SLC2A9: variants seen among roughly 807,000 people sequenced by gnomAD.
SLC2A9 encodes solute carrier family 2, facilitated glucose transporter member 9.
SLC2A9 carries 39 observed loss-of-function variants against 50.6 expected under a neutral mutation model. That is an observed-to-expected ratio of 0.77 (90% CI 0.60 to 1.01). The LOEUF (loss-of-function observed/expected upper bound fraction) is 1.01. SLC2A9 is among the 50% of genes least tolerant of loss of function. The pLI is 0.00. For synonymous variants in SLC2A9, 324 were observed against 276.9 expected, an observed-to-expected ratio of 1.17 and a Z score of -1.69; for missense variants, 686 against 677.6, an observed-to-expected ratio of 1.01 and a Z score of -0.14.
At chr4:9,838,503 G>C (rs918071257) in intron 10 of SLC2A9, among the ~76,000 whole-genome samples, 2 of 152,044 alleles carry the variant, frequency 1.3e-5, no homozygotes, top group Non-Finnish European at 2.9e-5. Context: ...ATAAAAAACC[G>C]TTTTAAAATT....
intron 11 of SLC2A9, among the ~76,000 whole-genome samples, chr4:9,828,256 C>T (rs1186118253): frequency 3.3e-5 from 5 of 152,194 alleles, no homozygotes; most frequent in Non-Finnish European, 1.5e-5. Flanking sequence ...GAGGGTTTGT[C>T]ATCACTTCTA....
intron 3 of SLC2A9, among the ~76,000 whole-genome samples, chr4:9,789,818 C>T (rs1719675334): frequency 6.6e-6 from 1 of 152,170 alleles, no homozygotes; most frequent in Admixed American, 6.5e-5. Context: ...TAATACAATG[C>T]CAGTTCCAGG....
At chr4:9,813,100 C>G (rs1490293451) in intron 3 of SLC2A9, among the ~76,000 whole-genome samples, 1 of 152,126 alleles carries the variant, frequency 6.6e-6, no homozygotes, top group African/African-American at 2.4e-5. Context: ...CCCAGAGCCT[C>G]AGCACTTATT....
intron 1 of SLC2A9, among the ~76,000 whole-genome samples, chr4:9,774,358 C>G (rs145608721): frequency 6.6e-6 from 1 of 152,178 alleles, no homozygotes; most frequent in African/African-American, 2.4e-5. Flanking sequence ...AAAAATGTAT[C>G]CTTTCACACG....
At chr4:10,022,402 G>A (rs1763567446), upstream of SLC2A9, among the ~76,000 whole-genome samples, 1 of 152,264 alleles carries the variant, frequency 6.6e-6, no homozygotes, top group South Asian at 2.1e-4. Flanking sequence ...TGCTCATTCA[G>A]CACTGGCTGA....
chr4:10,029,312 C>T (rs1220943668), intron 1 of SLC2A9: 2 of 152,216 alleles, frequency 1.3e-5, no homozygotes, highest in Non-Finnish European at 2.9e-5. Flanking sequence ...AAGCACCAAT[C>T]TGCCCTATCC....
intron 5 of SLC2A9, among the ~76,000 whole-genome samples, chr4:9,943,845 C>T (rs542155945): frequency 3.3e-5 from 5 of 152,086 alleles, no homozygotes; most frequent in Non-Finnish European, 5.9e-5. Context: ...AAGCTCCTAC[C>T]ACGTGCCGGA....
At chr4:9,806,423 C>T (rs1454432376) in intron 3 of SLC2A9, among the ~76,000 whole-genome samples, 1 of 152,234 alleles carries the variant, frequency 6.6e-6, no homozygotes, top group East Asian at 1.9e-4. Flanking sequence ...AATCTACAAC[C>T]TATAGAAATA....
intron 3 of SLC2A9, among the ~76,000 whole-genome samples, chr4:9,789,495 T>C (rs1350677193): frequency 2.6e-5 from 4 of 152,152 alleles, no homozygotes; most frequent in Non-Finnish European, 4.4e-5. Flanking sequence ...ATGCAGTAGA[T>C]GGATAGAGTG....
downstream of SLC2A9, among the ~76,000 whole-genome samples, chr4:9,797,115 G>A (rs1295987627): frequency 6.6e-6 from 1 of 152,154 alleles, no homozygotes; most frequent in East Asian, 1.9e-4. Context: ...CAAGAACCAG[G>A]GATTCTAGAG....
intron 3 of SLC2A9, chr4:9,995,927 G>C (rs982130631): frequency 6.6e-6 from 1 of 152,256 alleles, no homozygotes; most frequent in Admixed American, 6.5e-5. Context: ...TCCATCACTT[G>C]GAGAAGCTCT....
intron 8 of SLC2A9, among the ~76,000 whole-genome samples, chr4:9,892,216 T>C (rs990153123): frequency 6.6e-6 from 1 of 152,238 alleles, no homozygotes; most frequent in Non-Finnish European, 1.5e-5. Flanking sequence ...GTGGGTCAGC[T>C]GAGCACCCCG....
rs139285468 is a variant in SLC2A9, at chr4:9,943,922, G to A, written c.682-1877C>T. On this transcript the variant is annotated intron_variant, in intron 5 of 11. Transcript: ENST00000264784. ...CAGCCGCCAGCCCCACACACAGCCA[G>A]CAATACTGCTGCATGTTAAAGGTGT... Among the ~76,000 whole-genome samples the A allele has an allele frequency of 2.1e-3, 321 of 152,362 alleles. 3 individuals are homozygous for A. The highest frequency in any genetic ancestry group is 7.1e-3 in the African/African-American group (295 of 41,582).
intron 6 of SLC2A9, among the ~76,000 whole-genome samples, chr4:9,929,989 C>A (rs987314083): frequency 6.6e-6 from 1 of 152,190 alleles, no homozygotes; most frequent in African/African-American, 2.4e-5. Context: ...CCTCCAAAGA[C>A]CATCACTCTG....
At position 9,980,659 on chromosome 4, in the gene SLC2A9, G is replaced by GTCA; in HGVS notation, c.611_613dup (p.Val204_Thr205insMet). On this transcript the variant is annotated inframe_insertion, in exon 5 of 12. Transcript: ENST00000264784. ...CACGCCAATGCAGATAAAGATGGCA[G>GTCA]TCACCTGCCCCAGAGAGCCACGGAT... 1.2e-6 allele frequency: 2 copies of GTCA among 1,614,200 alleles called. No individual in the cohort carries two copies. The highest frequency in any genetic ancestry group is 2.2e-5 in the South Asian group (2 of 91,090).
At chr4:9,794,522 G>T (rs1360724259), downstream of SLC2A9, among the ~76,000 whole-genome samples, 1 of 152,212 alleles carries the variant, frequency 6.6e-6, no homozygotes, top group African/African-American at 2.4e-5. Context: ...AGGTGCTGAG[G>T]CTCAGAGAAC....
At chr4:9,809,461 C>G (rs1722563925) in intron 3 of SLC2A9, among the ~76,000 whole-genome samples, 1 of 152,186 alleles carries the variant, frequency 6.6e-6, no homozygotes, top group Admixed American at 6.5e-5. Context: ...GCGCCTGACT[C>G]TAGTCTCTTG....
chr4:10,005,235 C>G, intron 2 of SLC2A9, among the ~76,000 whole-genome samples: 1 of 152,204 alleles, frequency 6.6e-6, no homozygotes, highest in East Asian at 1.9e-4. Flanking sequence ...GCAAGAAGGG[C>G]AGACGGAGTG....
intron 5 of SLC2A9, among the ~76,000 whole-genome samples, chr4:9,971,877 C>A (rs1334188815): frequency 6.6e-6 from 1 of 152,234 alleles, no homozygotes; most frequent in African/African-American, 2.4e-5. Context: ...TACAACCTTA[C>A]ACGAGAAAAT....
Sources: allele counts gnomAD v4.1 joint callset (sites outside exome capture counted in the v4.1 genomes callset), GRCh38; gene constraint gnomAD v4.1.1; transcripts MANE v1.5; gene names NCBI Gene and HGNC (gene_info 2026-07-23, HGNC 2026-07-21).